The following SEC14L4 variants were observed in gnomAD, a reference collection of about 807,000 sequenced individuals.
SEC14L4 encodes SEC14-like protein 4.
SEC14L4 carries 42 observed loss-of-function variants against 55.1 expected under a neutral mutation model. That is an observed-to-expected ratio of 0.76 (90% CI 0.60 to 0.99). The LOEUF is 0.99. Among genes scored for constraint, SEC14L4 ranks in the 50% least tolerant of loss-of-function variants. The pLI, the probability that SEC14L4 is intolerant of heterozygous loss-of-function variation, is 0.00. For missense variants in SEC14L4, 445 were observed against 512.1 expected, an observed-to-expected ratio of 0.87 and a Z score of 1.27; for synonymous variants, 206 against 206.8, an observed-to-expected ratio of 1.00 and a Z score of 0.03.
chr22:30,491,103 A>G (rs1204565444), intron 11 of SEC14L4, among the ~76,000 whole-genome samples: 2 of 152,182 alleles, frequency 1.3e-5, no homozygotes, highest in South Asian at 2.1e-4. Flanking sequence ...TCTGTTCCCA[A>G]TAGATGTGGA....
chr22:30,493,024 C>A (rs1936015498), intron 7 of SEC14L4, among the ~76,000 whole-genome samples: 1 of 142,990 alleles, frequency 7.0e-6, no homozygotes, highest in African/African-American at 2.6e-5. Context: ...GCAGAGGTTG[C>A]AGTGAGCCAA....
chr22:30,491,329 C>A, intron 11 of SEC14L4: 1 of 564,214 alleles, frequency 1.8e-6, no homozygotes, highest in South Asian at 2.4e-5. Context: ...GTCCAGTGAT[C>A]CCGGTATAGG....
intron 2 of SEC14L4, among the ~76,000 whole-genome samples, chr22:30,497,536 A>G (rs1034673275): frequency 2.0e-5 from 3 of 151,958 alleles, no homozygotes; most frequent in Non-Finnish European, 4.4e-5. Context: ...AAAAAAAAAA[A>G]AAAGAAAGAA....
At chr22:30,505,500 G>A (rs923428700) in intron 1 of SEC14L4, 58 bp downstream of exon 1, 21 of 1,499,256 alleles carry the variant, frequency 1.4e-5, no homozygotes, top group Non-Finnish European at 1.9e-5. Flanking sequence ...GCCGGGTTGG[G>A]CAGTGCCAGG....
At chr22:30,502,362 T>C (rs1936357048) in intron 2 of SEC14L4, among the ~76,000 whole-genome samples, 1 of 152,150 alleles carries the variant, frequency 6.6e-6, no homozygotes, top group Admixed American at 6.5e-5. Context: ...ATGACTGGCT[T>C]GCCACAGGCA....
intron 11 of SEC14L4, among the ~76,000 whole-genome samples, chr22:30,490,593 ACACAGTATGCT>A (rs1314560324): frequency 1.3e-5 from 2 of 152,208 alleles, no homozygotes; most frequent in Non-Finnish European, 2.9e-5. Context: ...TGGCCCACGG[ACACAGTATGCT>A]CGTACTGCGT....
At chr22:30,491,361 A>G (rs1935944581) in intron 11 of SEC14L4, 1 of 611,044 alleles carries the variant, frequency 1.6e-6, no homozygotes, top group Non-Finnish European at 2.9e-6. Flanking sequence ...AGCTGAGCCC[A>G]AGGCCCTAGG....
At chr22:30,494,045 C>T (rs897014147) in intron 7 of SEC14L4, 105 bp downstream of exon 7, 1 of 845,950 alleles carries the variant, frequency 1.2e-6, no homozygotes, top group African/African-American at 1.7e-5. Flanking sequence ...AAACCTGGTT[C>T]TTCACAAAGG....
rs1315884351 is a variant in SEC14L4 at position 30,495,241 on chromosome 22, C to T, written c.423+13G>A. On this transcript the variant is annotated intron_variant, in intron 5 of 11. Transcript: ENST00000255858. ...GTAGACAGATGAGGCCCAGCCCCACCCCCGCTGCTCACCTTCTGAGTTTGC... is the reference window on the plus strand; with the variant it reads ...GTAGACAGATGAGGCCCAGCCCCACTCCCGCTGCTCACCTTCTGAGTTTGC... 1 of 1,592,556 alleles carries T rather than the reference C, an allele frequency of 6.3e-7. No homozygotes were observed. The highest frequency in any genetic ancestry group is 1.3e-5 in the African/African-American group (1 of 74,776).
intron 1 of SEC14L4, among the ~76,000 whole-genome samples, 177 bp downstream of exon 1, chr22:30,505,381 G>A (rs1936457012): frequency 6.6e-6 from 1 of 152,190 alleles, no homozygotes; most frequent in Non-Finnish European, 1.5e-5. Context: ...ATGGGCCCCT[G>A]TCCCGCGTGC....
chr22:30,495,024 G>T, intron 5 of SEC14L4, 63 bp from the exon 6 acceptor site: 1 of 1,440,496 alleles, frequency 6.9e-7, no homozygotes, highest in South Asian at 1.2e-5. Flanking sequence ...TGGCCAGAGA[G>T]ACTTGGGCAC....
At position 30,490,208 on chromosome 22, in the gene SEC14L4, C is replaced by A. The variant is rs1302385287; in HGVS notation, c.1120G>T (p.Ala374Ser). The A allele has an allele frequency of 3.1e-6, 5 of 1,614,118 alleles. No homozygotes were observed. Among genetic ancestry groups the A allele is most frequent in the Non-Finnish European group, 4.2e-6 (5 of 1,180,040 alleles). The change falls in exon 12 of 12, where the codon GCC becomes TCC. Residue 374 changes from alanine to serine, a missense_variant. By Grantham distance (99) the Ala-to-Ser change is moderately conservative. Coordinates refer to ENST00000255858, the MANE Select transcript of SEC14L4 (RefSeq NM_174977.4). The stretch of plus-strand genomic sequence containing the variant: ...TCCACAGTGTAGCTGAGCTTCTTGG[C>A]ATGCATCCGGCTGTAGGTGTTGTCG... ...RFDNTYSRMH[A>S]KKLSYTVEVL...
intron 2 of SEC14L4, among the ~76,000 whole-genome samples, chr22:30,500,958 G>A (rs985393563): frequency 1.2e-4 from 18 of 151,494 alleles, no homozygotes; most frequent in African/African-American, 4.4e-4. Flanking sequence ...CACTTTGAGA[G>A]GCCGAGGCGG....
At chr22:30,498,237 C>T (rs181163603) in intron 2 of SEC14L4, among the ~76,000 whole-genome samples, 1,784 of 151,330 alleles carry the variant, frequency 0.012, 17 homozygotes, top group Non-Finnish European at 0.02. Flanking sequence ...ATTCTCATGC[C>T]TCAGCCTCCT....
Position 30,489,861 on chromosome 22 carries a change from C to T in SEC14L4, c.*246G>A, listed in dbSNP as rs1935893126. 1 of 1,551,570 alleles carries T rather than the reference C, an allele frequency of 6.4e-7. No individual in the cohort carries two copies. The highest frequency in any genetic ancestry group is 8.7e-7 in the Non-Finnish European group (1 of 1,146,914). On this transcript the variant is annotated 3_prime_UTR_variant, in exon 12 of 12. Coordinates refer to ENST00000255858, the MANE Select transcript of SEC14L4 (RefSeq NM_174977.4). ...TGGACTGGATCATCTTCAGCGTTCT[C>T]ATTCTCAGCCGCATTCTCTGGGAAC...
At chr22:30,498,000 G>T (rs1601851676) in intron 2 of SEC14L4, among the ~76,000 whole-genome samples, 1 of 152,164 alleles carries the variant, frequency 6.6e-6, no homozygotes, top group East Asian at 1.9e-4. Context: ...ACTGAACAGG[G>T]CAGTTCTATA....
intron 2 of SEC14L4, among the ~76,000 whole-genome samples, chr22:30,501,846 C>CACATATATATATATATATATATAT (rs1371947748): frequency 8.9e-6 from 1 of 111,910 alleles, no homozygotes; most frequent in African/African-American, 3.5e-5. Flanking sequence ...CACACACGCA[C>CACATATATATATATATATATATAT]ATATATATAT....
rs1935890478 is a variant in SEC14L4, at chr22:30,489,755, C to T, written c.*352G>A. 3 of 1,062,830 alleles carry T rather than the reference C, an allele frequency of 2.8e-6. No homozygotes were observed. The highest frequency in any genetic ancestry group is 4.0e-5 in the Admixed American group (2 of 50,036). 65.8% of individuals were successfully genotyped at this position (1,062,830 alleles called of 1,614,324 possible). A position where few individuals can be genotyped will look rare whatever the true frequency, so the allele number is the denominator to read the frequency against. Reference sequence around the variant, plus strand: ...CGCACACCCCCTGAAGCTGGAACACCAGGCATGGGTGAGTCCTGGGTGGCT... The same window carrying T: ...CGCACACCCCCTGAAGCTGGAACACTAGGCATGGGTGAGTCCTGGGTGGCT... On this transcript the variant is annotated 3_prime_UTR_variant, in exon 12 of 12. Transcript: ENST00000255858.
intron 2 of SEC14L4, among the ~76,000 whole-genome samples, chr22:30,501,185 G>T (rs1936309643): frequency 6.6e-6 from 1 of 152,180 alleles, no homozygotes; most frequent in Admixed American, 6.5e-5. Flanking sequence ...CCTGGGTCTT[G>T]GGTTAGTGAG....
Sources: allele counts gnomAD v4.1 joint callset (sites outside exome capture counted in the v4.1 genomes callset), GRCh38; gene constraint gnomAD v4.1.1; transcripts MANE v1.5; gene names NCBI Gene and HGNC (gene_info 2026-07-23, HGNC 2026-07-21).